NRXN1: variants seen among roughly 807,000 people sequenced by gnomAD.
NRXN1 encodes the protein neurexin-1.
Under a neutral mutation model 150.9 loss-of-function variants are expected in NRXN1, and 39 were observed. The observed-to-expected ratio is 0.26, with a 90% CI of 0.20 to 0.34. The LOEUF (loss-of-function observed/expected upper bound fraction) is 0.34. Among genes scored for constraint, NRXN1 ranks in the 10% least tolerant of loss-of-function variants. NRXN1 has a pLI of 1.00. For missense variants in NRXN1, 1,815 were observed against 1,949.9 expected, an observed-to-expected ratio of 0.93 and a Z score of 1.30; for synonymous variants, 924 against 757.0, an observed-to-expected ratio of 1.22 and a Z score of -3.62.
intron 19 of NRXN1, among the ~76,000 whole-genome samples, chr2:50,069,789 G>A (rs1248224609): frequency 2.0e-5 from 3 of 151,104 alleles, no homozygotes; most frequent in African/African-American, 7.3e-5. Flanking sequence ...TCATGGTTTT[G>A]ACAGCCATCT....
intron 5 of NRXN1, among the ~76,000 whole-genome samples, chr2:50,649,259 T>C (rs200308478): frequency 0.022 from 3,100 of 143,296 alleles, 111 homozygotes; most frequent in African/African-American, 0.074. Context: ...CATACACACA[T>C]ACACACACAC....
At chr2:50,704,650 A>G (rs1694188557) in intron 5 of NRXN1, among the ~76,000 whole-genome samples, 1 of 151,082 alleles carries the variant, frequency 6.6e-6, no homozygotes, top group Admixed American at 6.6e-5. Context: ...GTGTAAATTT[A>G]TGTTTTTGTC....
intron 17 of NRXN1, among the ~76,000 whole-genome samples, chr2:50,399,545 C>A (rs1226476804): frequency 3.3e-5 from 5 of 151,728 alleles, no homozygotes; most frequent in Admixed American, 3.3e-4. Flanking sequence ...AAGCACAGGG[C>A]CCTTTGCTCT....
intron 8 of NRXN1, among the ~76,000 whole-genome samples, chr2:50,558,958 T>G (rs944096387): frequency 3.3e-5 from 5 of 152,070 alleles, no homozygotes; most frequent in Non-Finnish European, 7.4e-5. Flanking sequence ...GGCGGGCACC[T>G]GTAGTCCCAG....
At chr2:49,943,328 A>C (rs1294154921) in intron 22 of NRXN1, among the ~76,000 whole-genome samples, 1 of 152,184 alleles carries the variant, frequency 6.6e-6, no homozygotes, top group Non-Finnish European at 1.5e-5. Context: ...GTCAGTAGAA[A>C]GGTCAAATAA....
intron 17 of NRXN1, among the ~76,000 whole-genome samples, chr2:50,308,657 T>C (rs1403703312): frequency 1.3e-5 from 2 of 152,178 alleles, no homozygotes; most frequent in Non-Finnish European, 2.9e-5. Flanking sequence ...ACAATCAGTG[T>C]ATTAAACATT....
intron 17 of NRXN1, among the ~76,000 whole-genome samples, chr2:50,390,622 C>A (rs1354324039): frequency 2.0e-5 from 3 of 152,080 alleles, no homozygotes; most frequent in Admixed American, 6.6e-5. Flanking sequence ...GAGGTGAAAA[C>A]TCTAAGAGGT....
intron 17 of NRXN1, among the ~76,000 whole-genome samples, chr2:50,298,343 T>A (rs1022895420): frequency 2.6e-5 from 4 of 152,170 alleles, no homozygotes; most frequent in African/African-American, 9.6e-5. Context: ...ACTTTCTAAT[T>A]CCAAGCAACA....
chr2:50,058,807 G>T (rs1257642965), intron 19 of NRXN1, among the ~76,000 whole-genome samples: 1 of 152,108 alleles, frequency 6.6e-6, no homozygotes, highest in Admixed American at 6.6e-5. Flanking sequence ...CAGTTCCCCT[G>T]CAGATGGTCT....
intron 17 of NRXN1, among the ~76,000 whole-genome samples, chr2:50,436,223 G>A (rs1392593805): frequency 6.6e-6 from 1 of 152,152 alleles, no homozygotes. Flanking sequence ...AGAGGCCGAG[G>A]CAGGCAGATC....
At chr2:50,416,838 G>A (rs926891057) in intron 17 of NRXN1, among the ~76,000 whole-genome samples, 2 of 152,042 alleles carry the variant, frequency 1.3e-5, no homozygotes, top group African/African-American at 4.8e-5. Context: ...TCCCTTCCAC[G>A]ACCCTTGAGG....
At chr2:50,440,544 G>A (rs2085859334) in intron 17 of NRXN1, among the ~76,000 whole-genome samples, 1 of 151,956 alleles carries the variant, frequency 6.6e-6, no homozygotes, top group Admixed American at 6.6e-5. Context: ...GAGAAAATAA[G>A]GCAGGAAAGG....
chr2:50,472,839 A>G lies in NRXN1; in HGVS notation c.3071-368T>C, dbSNP rs537543611. 8.5e-3 allele frequency among the ~76,000 whole-genome samples: 1,182 copies of G among 138,408 alleles called. 19 individuals carry two copies. Among genetic ancestry groups the G allele is most frequent in the African/African-American group, 0.03 (1,070 of 35,384 alleles). 90.8% of individuals were successfully genotyped at this position (138,408 alleles called of 152,430 possible). A position where few individuals can be genotyped will look rare whatever the true frequency, so the allele number is the denominator to read the frequency against. ...TGTGTGTGTGTGTGTGTATATATAT[A>G]TATAAGTTTCTCTGATTATTAGTAT... On this transcript the variant is annotated intron_variant, in intron 15 of 22. Coordinates refer to ENST00000401669, the MANE Select transcript of NRXN1 (RefSeq NM_001330078.2).
rs150895321 is a variant in NRXN1 at position 50,434,492 on chromosome 2, A to C, written c.3364+30950T>G. On this transcript the variant is annotated intron_variant, in intron 17 of 22. Coordinates refer to ENST00000401669, the MANE Select transcript of NRXN1 (RefSeq NM_001330078.2). The stretch of plus-strand genomic sequence containing the variant: ...TCAAAGTATCTCCCAAGACTGAATA[A>C]GGTTTCCTGAAAGAAGGACAATGAG... Among the ~76,000 whole-genome samples the C allele has an allele frequency of 8.4e-3, 1,274 of 152,246 alleles. 18 individuals carry two copies. Among genetic ancestry groups the C allele is most frequent in the African/African-American group, 0.027 (1,132 of 41,542 alleles).
chr2:50,161,676 C>T (rs1028885803), intron 18 of NRXN1, among the ~76,000 whole-genome samples: 1 of 152,128 alleles, frequency 6.6e-6, no homozygotes, highest in Non-Finnish European at 1.5e-5. Context: ...TTTATCTGCA[C>T]TGACAGTCAG....
At chr2:50,676,966 G>C (rs908087580) in intron 5 of NRXN1, among the ~76,000 whole-genome samples, 1 of 152,080 alleles carries the variant, frequency 6.6e-6, no homozygotes, top group Non-Finnish European at 1.5e-5. Flanking sequence ...GTTTGTTTTT[G>C]AGAACAGTGA....
At chr2:50,268,942 G>A (rs1276640332) in intron 17 of NRXN1, among the ~76,000 whole-genome samples, 2 of 152,120 alleles carry the variant, frequency 1.3e-5, no homozygotes, top group Non-Finnish European at 2.9e-5. Context: ...TTTAAAAACT[G>A]ATGCCTAGAC....
At chr2:50,643,384 C>A in intron 5 of NRXN1, among the ~76,000 whole-genome samples, 1 of 152,040 alleles carries the variant, frequency 6.6e-6, no homozygotes, top group African/African-American at 2.4e-5. Context: ...CCTCAGATAT[C>A]ATTCTCTTCT....
intron 13 of NRXN1, among the ~76,000 whole-genome samples, chr2:50,499,072 G>C (rs1162013741): frequency 2.0e-5 from 3 of 152,136 alleles, no homozygotes; most frequent in Non-Finnish European, 1.5e-5. Context: ...CATTTCTTTA[G>C]TCAAGACAGT....
Sources: gnomAD v4.1 joint callset for allele counts (sites outside exome capture counted in the v4.1 genomes callset) on GRCh38, gnomAD v4.1.1 for gene constraint, MANE v1.5 for transcripts, NCBI Gene and HGNC (gene_info 2026-07-23, HGNC 2026-07-21) for gene names.